LATS2: variants seen among roughly 807,000 people sequenced by gnomAD.
LATS2 encodes the protein serine/threonine-protein kinase LATS2.
Under a neutral mutation model 76.0 loss-of-function variants are expected in LATS2, and 24 were observed. The observed-to-expected ratio is 0.32, with a 90% CI of 0.23 to 0.44. The LOEUF (loss-of-function observed/expected upper bound fraction) is 0.44. Among genes scored for constraint, LATS2 ranks in the 20% least tolerant of loss-of-function variants. LATS2 has a pLI of 1.00. For missense variants in LATS2, 1,286 were observed against 1,481.2 expected (o/e 0.87, Z 2.16); for synonymous variants, 692 against 635.4 (o/e 1.09, Z -1.34).
chr13:21,007,542 A>AGTGTG (rs1871308364), intron 2 of LATS2, among the ~76,000 whole-genome samples: 2 of 16,088 alleles, frequency 1.2e-4, no homozygotes, highest in African/African-American at 6.8e-4. Context: ...ATATATATAT[A>AGTGTG]TAGTATATAT....
In LATS2 at chr13:20,974,804, G is replaced by C; in HGVS notation, c.*66C>G. ...CAGCCCTCGGCTTCCCTATTGGCCT[G>C]TGAGGGCACCGGCTCCGGGACCCTG... On this transcript the variant is annotated 3_prime_UTR_variant, in exon 8 of 8. Coordinates refer to ENST00000382592, the MANE Select transcript of LATS2 (RefSeq NM_014572.3). 1.3e-6 allele frequency: 2 copies of C among 1,522,778 alleles called. No homozygotes were observed. Among genetic ancestry groups the C allele is most frequent in the Non-Finnish European group, 1.8e-6 (2 of 1,134,442 alleles). The allele number at this position is 1,522,778 out of a possible 1,614,324, so 94.3% of individuals were successfully genotyped here.
At chr13:20,986,786 A>G (rs1870161520) in intron 4 of LATS2, among the ~76,000 whole-genome samples, 2 of 152,252 alleles carry the variant, frequency 1.3e-5, no homozygotes, top group Non-Finnish European at 2.9e-5. Context: ...CACAGAAATG[A>G]TAAATACACC....
At chr13:21,056,899 C>G (rs1192228116) in intron 1 of LATS2, among the ~76,000 whole-genome samples, 3 of 152,114 alleles carry the variant, frequency 2.0e-5, no homozygotes, top group African/African-American at 7.2e-5. Flanking sequence ...ATTCTTGGAG[C>G]CTGGAACTTC....
At chr13:21,041,965 C>T (rs933035497) in intron 2 of LATS2, among the ~76,000 whole-genome samples, 1 of 152,198 alleles carries the variant, frequency 6.6e-6, no homozygotes, top group Non-Finnish European at 1.5e-5. Context: ...AAGTCCCAGG[C>T]TTCCGCAGAA....
At chr13:20,986,296 T>G (rs147596822) in intron 4 of LATS2, among the ~76,000 whole-genome samples, 13 of 152,282 alleles carry the variant, frequency 8.5e-5, no homozygotes, top group African/African-American at 3.1e-4. Context: ...AGGAAATCAG[T>G]ATATCAAAGG....
chr13:21,001,003 C>T (rs1257615300), intron 2 of LATS2, among the ~76,000 whole-genome samples: 1 of 152,182 alleles, frequency 6.6e-6, no homozygotes, highest in African/African-American at 2.4e-5. Flanking sequence ...CATGCTTACA[C>T]ATGTATCAGA....
At chr13:21,037,627 A>C (rs1872726291) in intron 2 of LATS2, among the ~76,000 whole-genome samples, 1 of 152,182 alleles carries the variant, frequency 6.6e-6, no homozygotes, top group Non-Finnish European at 1.5e-5. Context: ...TCTGATAAAC[A>C]CTGGGGGAGA....
At chr13:21,007,979 A>T (rs1871427016) in intron 2 of LATS2, among the ~76,000 whole-genome samples, 1 of 150,918 alleles carries the variant, frequency 6.6e-6, no homozygotes, top group Admixed American at 6.6e-5. Flanking sequence ...GGCTGGTCTC[A>T]AACTCCTGAC....
At chr13:21,056,321 G>A (rs917929884) in intron 1 of LATS2, among the ~76,000 whole-genome samples, 7 of 151,944 alleles carry the variant, frequency 4.6e-5, no homozygotes. Context: ...TTACGGGCAT[G>A]AGCCACCATG....
intron 2 of LATS2, among the ~76,000 whole-genome samples, chr13:21,036,065 A>AT (rs1355109662): frequency 1.3e-5 from 2 of 151,982 alleles, no homozygotes; most frequent in Admixed American, 6.6e-5. Flanking sequence ...CACCTGGATA[A>AT]TTTTTGTATT....
rs187913718 is a variant in LATS2, at chr13:21,010,247, G to A, written c.343-18843C>T. ...AAAAAACCCACAAAGGAATAACACAGAGAGTTAAGTGAGCATGGAAGTACT... is the reference window on the plus strand; with the variant it reads ...AAAAAACCCACAAAGGAATAACACAAAGAGTTAAGTGAGCATGGAAGTACT... On this transcript the variant is annotated intron_variant, in intron 2 of 7. Transcript: ENST00000382592. 5.5e-4 allele frequency among the ~76,000 whole-genome samples: 81 copies of A among 146,682 alleles called. 1 individual carries two copies. Among genetic ancestry groups the A allele is most frequent in the African/African-American group, 2.0e-3 (80 of 40,434 alleles).
intron 2 of LATS2, among the ~76,000 whole-genome samples, chr13:21,037,602 T>C (rs775897822): frequency 2.0e-5 from 3 of 152,178 alleles, no homozygotes; most frequent in Non-Finnish European, 2.9e-5. Context: ...ACGCACAAAC[T>C]ACTTAACAGC....
At chr13:21,050,669 T>C (rs1873242830) in intron 1 of LATS2, among the ~76,000 whole-genome samples, 1 of 152,170 alleles carries the variant, frequency 6.6e-6, no homozygotes, top group Non-Finnish European at 1.5e-5. Flanking sequence ...ACCACTGCCA[T>C]TCAGGTTGCC....
chr13:20,988,524 G>T lies in LATS2; in HGVS notation c.1256C>A (p.Pro419His). The T allele has an allele frequency of 1.3e-6, 2 of 1,566,704 alleles. No homozygotes were observed. Among genetic ancestry groups the T allele is most frequent in the Non-Finnish European group, 1.7e-6 (2 of 1,164,862 alleles). ...FNSHQPRPGP[P>H]GKAEPSLPAP... ...GGGCAGGGAGGGCTCGGCCTTGCCA[G>T]GCGGACCGGGCCGCGGCTGGTGGCT... The change falls in exon 4 of 8, where the codon CCT (proline) becomes CAT (histidine). Residue 419 changes from proline to histidine, a missense_variant. Physicochemically the swap from Pro to His is moderately conservative, Grantham distance 77. Coordinates refer to ENST00000382592, the MANE Select transcript of LATS2 (RefSeq NM_014572.3).
chr13:20,978,297 AC>A, intron 7 of LATS2, among the ~76,000 whole-genome samples: 1 of 152,120 alleles, frequency 6.6e-6, no homozygotes, highest in Non-Finnish European at 1.5e-5. Context: ...TCACATGACC[AC>A]CAGGGCATGT....
rs1308535858 is a variant in LATS2, at chr13:21,046,029, T to C, written c.-3A>G. 1 of 1,599,462 alleles carries C rather than the reference T, an allele frequency of 6.3e-7. No homozygotes were observed. The highest frequency in any genetic ancestry group is 1.3e-5 in the African/African-American group (1 of 74,394). On this transcript the variant is annotated 5_prime_UTR_variant, in exon 2 of 8. Transcript: ENST00000382592. ...GCAGGAAAAGTCTTTGGCCTCATTG[T>C]TAGTCCAGTTTCCTTTTACCATAAA...
chr13:20,999,310 G>A (rs1324559173), intron 2 of LATS2, among the ~76,000 whole-genome samples: 2 of 152,246 alleles, frequency 1.3e-5, no homozygotes, highest in Admixed American at 1.3e-4. Context: ...ACGCCCGGAA[G>A]ACACCTGCTC....
At position 20,999,606 on chromosome 13, in the gene LATS2, C is replaced by A. The variant is rs374085888; in HGVS notation, c.343-8202G>T. On this transcript the variant is annotated intron_variant, in intron 2 of 7. Coordinates refer to ENST00000382592, the MANE Select transcript of LATS2 (RefSeq NM_014572.3). ...ATCTCAGCCTCCTGTAGTCAGGAGC[C>A]AGTATGCTTGGCTAATTTTTTAAAA... is the stretch of plus-strand genomic sequence containing the variant. 4.6e-3 allele frequency among the ~76,000 whole-genome samples: 694 copies of A among 152,080 alleles called. 23 individuals are homozygous for A. In the South Asian group the frequency reaches 0.085, roughly 19 times the overall value.
At chr13:21,027,664 C>G (rs1390335921) in intron 2 of LATS2, among the ~76,000 whole-genome samples, 1 of 152,164 alleles carries the variant, frequency 6.6e-6, no homozygotes, top group African/African-American at 2.4e-5. Flanking sequence ...AAAGTCAGGT[C>G]TAGCAGTTTT....
Sources: gnomAD v4.1 joint callset for allele counts (sites outside exome capture counted in the v4.1 genomes callset) on GRCh38, gnomAD v4.1.1 for gene constraint, MANE v1.5 for transcripts, NCBI Gene and HGNC (gene_info 2026-07-23, HGNC 2026-07-21) for gene names.